The following CEP170B variants were observed in gnomAD, a reference collection of about 807,000 sequenced individuals.
CEP170B encodes the protein centrosomal protein of 170 kDa protein B.
CEP170B carries 55 observed loss-of-function variants against 120.6 expected under a neutral mutation model. The observed-to-expected ratio is 0.46, with a 90% CI of 0.37 to 0.57. The LOEUF is 0.57. Among genes scored for constraint, CEP170B ranks in the 20% least tolerant of loss-of-function variants. The pLI, the probability that CEP170B is intolerant of heterozygous loss-of-function variation, is 0.00. For missense variants in CEP170B, 2,212 were observed against 2,253.3 expected (o/e 0.98, Z 0.37); for synonymous variants, 1,033 against 954.5 (o/e 1.08, Z -1.52).
chr14:104,893,500 G>T, intron 14 of CEP170B, 23 bp from the exon 15 acceptor site: 1 of 1,593,466 alleles, frequency 6.3e-7, no homozygotes, highest in East Asian at 2.3e-5. Flanking sequence ...TGGGGCCCAC[G>T]GTGCCGGCCC....
intron 2 of CEP170B, among the ~76,000 whole-genome samples, chr14:104,872,240 T>G (rs1297313067): frequency 7.5e-6 from 1 of 133,052 alleles, no homozygotes; most frequent in Non-Finnish European, 1.6e-5. Flanking sequence ...CGTGCGTGTG[T>G]GCGTGTGTGT....
At position 104,886,261 on chromosome 14, in the gene CEP170B, T is replaced by G; in HGVS notation, c.2036-14T>G. ...ACCAGCGGCCCTCTAACCGGCTGCC[T>G]TTGTGCTCCACAGAGGATGGCCTGG... On this transcript the variant is annotated splice_polypyrimidine_tract_variant and intron_variant, in intron 11 of 18. Transcript: ENST00000414716. 1 of 1,509,090 alleles carries G rather than the reference T, an allele frequency of 6.6e-7. No homozygotes were observed. Among genetic ancestry groups the G allele is most frequent in the African/African-American group, 1.4e-5 (1 of 72,598 alleles). 93.5% of individuals were successfully genotyped at this position (1,509,090 alleles called of 1,614,324 possible). A position where few individuals can be genotyped will look rare whatever the true frequency, so the allele number is the denominator to read the frequency against.
At chr14:104,877,836 A>ACCCCCCCCCCCCCC in intron 3 of CEP170B, 49 bp from the exon 4 acceptor site, 2 of 237,066 alleles carry the variant, frequency 8.4e-6, no homozygotes, top group Non-Finnish European at 6.7e-6. Flanking sequence ...GCCCACAGCC[A>ACCCCCCCCCCCCCC]CCCACCCGCG....
At chr14:104,883,628 A>G in intron 8 of CEP170B, 120 bp downstream of exon 8, 1 of 1,193,900 alleles carries the variant, frequency 8.4e-7, no homozygotes, top group Non-Finnish European at 1.1e-6. Flanking sequence ...CCCATTTTTC[A>G]GTTAATTGCC....
At chr14:104,880,574 AC>A in intron 6 of CEP170B, 149 bp downstream of exon 6, 3 of 1,186,388 alleles carry the variant, frequency 2.5e-6, no homozygotes, top group Non-Finnish European at 3.5e-6. Context: ...CTACCCTTGC[AC>A]ATGCACACCC....
In CEP170B at chr14:104,893,658, C is replaced by T. The variant is rs897913821; in HGVS notation, c.4174C>T (p.Arg1392Ter). Residue 1392 changes from arginine to a stop codon, truncating the protein, a stop_gained, in exon 15 of 19, where the codon CGA becomes TGA. Transcript: ENST00000414716. LOFTEE classifies it high-confidence loss of function. ...ALANKTRPRNREEVIFDNLML... is the reference protein window; with the variant it reads ...ALANKTRPRN ...GGCCAACAAGACGCGGCCTCGGAAC[C>T]GAGAGGAGGCACGGTGCCCACTACC... The T allele has an allele frequency of 1.9e-6, 3 of 1,586,464 alleles. No homozygotes were observed. Among genetic ancestry groups the T allele is most frequent in the African/African-American group, 1.3e-5 (1 of 74,286 alleles).
rs896421545 is a variant in CEP170B, at chr14:104,885,603, C to T, written c.1944+61C>T. On this transcript the variant is annotated intron_variant, in intron 10 of 18. Coordinates refer to ENST00000414716, the MANE Select transcript of CEP170B (RefSeq NM_001112726.3). ...GGCAGGAAGAGGGCAGCATCCAAGC[C>T]GGACCTGGGGTCAGCGGGCCCCCCA... The T allele has an allele frequency of 3.9e-5, 58 of 1,504,900 alleles. No homozygotes were observed. The Admixed American group carries it at 6.5e-4, about 17-fold the overall frequency. 93.2% of individuals were successfully genotyped at this position (1,504,900 alleles called of 1,614,324 possible). A position where few individuals can be genotyped will look rare whatever the true frequency, so the allele number is the denominator to read the frequency against.
Position 104,880,423 on chromosome 14 carries a change from C to G in CEP170B, c.470C>G (p.Thr157Arg). The change falls in exon 6 of 19, where the codon ACA (threonine) becomes AGA (arginine). Residue 157 changes from threonine to arginine, a missense_variant and splice_region_variant. Transcript: ENST00000414716. ...GAGAAGGGGGACCGGAGACCAGGAA[C>G]AGGTAGGCCCAGGCAGTGCGGATGG... ...RPEKGDRRPGTEAASYRTPLY... is the reference protein window; with the variant it reads ...RPEKGDRRPGREAASYRTPLY... The G allele has an allele frequency of 6.2e-7, 1 of 1,611,670 alleles. No individual in the cohort carries two copies. The highest frequency in any genetic ancestry group is 8.5e-7 in the Non-Finnish European group (1 of 1,179,378).
intron 2 of CEP170B, among the ~76,000 whole-genome samples, chr14:104,872,678 C>G (rs1337441488): frequency 6.6e-6 from 1 of 152,068 alleles, no homozygotes; most frequent in Admixed American, 6.5e-5. Context: ...CAGGCCCTGA[C>G]CTTCTGTGCC....
chr14:104,882,936 C>T (rs1468660129), intron 7 of CEP170B, 99 bp from the exon 8 acceptor site: 3 of 1,443,200 alleles, frequency 2.1e-6, no homozygotes, highest in Non-Finnish European at 1.9e-6. Context: ...GACATGGGGC[C>T]TGTCTCCCCC....
At chr14:104,894,612 C>T (rs745429148) in intron 18 of CEP170B, 24 bp downstream of exon 18, 2 of 1,607,388 alleles carry the variant, frequency 1.2e-6, no homozygotes, top group South Asian at 2.2e-5. Context: ...AAGCCTGGGG[C>T]AGCAAGGGAG....
At position 104,865,762 on chromosome 14, in the gene CEP170B, C is replaced by T. The variant is rs1895170540; in HGVS notation, c.-28+249C>T. Among the ~76,000 whole-genome samples the T allele has an allele frequency of 6.6e-6, 1 of 152,054 alleles. No homozygotes were observed. The highest frequency in any genetic ancestry group is 2.4e-5 in the African/African-American group (1 of 41,444). ...GGAGGGGGCGGCAAGCCTGGGCACC[C>T]GGGTCCCCGCCCCGGCACCGGCTCG... On this transcript the variant is annotated intron_variant, in intron 1 of 18. Coordinates refer to ENST00000414716, the MANE Select transcript of CEP170B (RefSeq NM_001112726.3). The surrounding 1 kb of genome is among the most constrained non-coding windows in gnomAD (Gnocchi z 6.7).
chr14:104,893,982 C>T (rs536392654), intron 16 of CEP170B, 133 bp downstream of exon 16: 7 of 838,408 alleles, frequency 8.3e-6, no homozygotes, highest in South Asian at 3.2e-5. Flanking sequence ...GCAGCCCTCC[C>T]GTGTGCACGT....
chr14:104,894,006 A>C, intron 16 of CEP170B, 157 bp downstream of exon 16: 1 of 760,752 alleles, frequency 1.3e-6, no homozygotes, highest in South Asian at 1.7e-5. Flanking sequence ...TGTGGCTCCC[A>C]GCAGGCAGAC....
At chr14:104,872,808 C>T (rs2140640289) in intron 2 of CEP170B, among the ~76,000 whole-genome samples, 1 of 152,272 alleles carries the variant, frequency 6.6e-6, no homozygotes, top group South Asian at 2.1e-4. Flanking sequence ...CACAGCTGGG[C>T]CAGGCTGTTG....
intron 3 of CEP170B, 105 bp downstream of exon 3, chr14:104,876,450 C>T (rs1268774861): frequency 6.8e-6 from 7 of 1,026,882 alleles, no homozygotes; most frequent in Non-Finnish European, 1.0e-5. Context: ...CCCTCCCTCT[C>T]AGCCCTGGCC....
At chr14:104,890,520 AGATG>A (rs1290432177) in intron 13 of CEP170B, among the ~76,000 whole-genome samples, 6 of 27,662 alleles carry the variant, frequency 2.2e-4, no homozygotes, top group East Asian at 1.3e-3. Flanking sequence ...GTGGGTGGGT[AGATG>A]GATGGATGAA....
intron 11 of CEP170B, 63 bp from the exon 12 acceptor site, chr14:104,886,212 T>G: frequency 6.8e-7 from 1 of 1,470,318 alleles, no homozygotes; most frequent in South Asian, 1.3e-5. Flanking sequence ...AGGCTGCCTC[T>G]TCCTGAGCGT....
Position 104,894,420 on chromosome 14 carries a change from A to G in CEP170B, c.4365+42A>G, listed in dbSNP as rs2140762493. 4 of 1,606,762 alleles carry G rather than the reference A, an allele frequency of 2.5e-6. No homozygotes were observed. The East Asian group carries it at 8.9e-5, about 36-fold the overall frequency. Reference sequence around the variant, plus strand: ...CGTGCCCCTTGGCCTGCCCCCAGCCAGCCTGCCTTTGCCTGGCTGGCCCCA... The same window carrying G: ...CGTGCCCCTTGGCCTGCCCCCAGCCGGCCTGCCTTTGCCTGGCTGGCCCCA... On this transcript the variant is annotated intron_variant, in intron 17 of 18. Coordinates refer to ENST00000414716, the MANE Select transcript of CEP170B (RefSeq NM_001112726.3).
Sources: allele counts gnomAD v4.1 joint callset (sites outside exome capture counted in the v4.1 genomes callset), GRCh38; gene constraint gnomAD v4.1.1; non-coding constraint Gnocchi (gnomAD v3.1); transcripts MANE v1.5; gene names NCBI Gene and HGNC (gene_info 2026-07-23, HGNC 2026-07-21).